ATG7: variants seen among roughly 807,000 people sequenced by gnomAD.
ATG7 encodes autophagy related 7.
A neutral mutation model predicts 82.4 loss-of-function variants in ATG7; 70 were observed. That is an observed-to-expected ratio of 0.85 (90% CI 0.70 to 1.04). The LOEUF is 1.04. Ranked by LOEUF, ATG7 falls within the 50% of genes least tolerant of loss-of-function variation. The pLI is 0.00. For synonymous variants in ATG7, 287 were observed against 313.0 expected (o/e 0.92, Z 0.88); for missense variants, 792 against 864.3 (o/e 0.92, Z 1.05).
At chr3:11,362,205 T>C (rs575087798) in intron 16 of ATG7, among the ~76,000 whole-genome samples, 1 of 152,126 alleles carries the variant, frequency 6.6e-6, no homozygotes, top group Non-Finnish European at 1.5e-5. Context: ...TTGCCCAGAG[T>C]TGGATGGTTA....
intron 20 of ATG7, among the ~76,000 whole-genome samples, chr3:11,462,844 TATTTA>T (rs1415580114): frequency 2.9e-4 from 1 of 3,496 alleles, no homozygotes; most frequent in African/African-American, 3.4e-4. Context: ...CAGATATTTT[TATTTA>T]TTTATTTATT....
Position 11,332,986 on chromosome 3 carries a change from A to G in ATG7, c.782A>G (p.Gln261Arg), listed in dbSNP as rs2152756968. ...LAAHRWSSSFQSVEVVCFRDR... is the reference protein window; with the variant it reads ...LAAHRWSSSFRSVEVVCFRDR... The stretch of plus-strand genomic sequence containing the variant: ...CATGACAACAGGAGTAGCAGTTTCC[A>G]GTCTGTTGAAGTTGTTTGCTTCCGT... Residue 261 changes from glutamine (Q) to arginine (R), a missense_variant, in exon 11 of 21, where the codon CAG becomes CGG. Physicochemically the swap from Gln to Arg is conservative, Grantham distance 43 (BLOSUM62 1). Coordinates refer to ENST00000693202, the MANE Select transcript of ATG7 (RefSeq NM_001349232.2). 2 of 1,548,604 alleles carry G rather than the reference A, an allele frequency of 1.3e-6. No homozygotes were observed. Among genetic ancestry groups the G allele is most frequent in the Non-Finnish European group, 1.7e-6 (2 of 1,148,080 alleles).
At chr3:11,448,563 A>G (rs567758577) in intron 20 of ATG7, among the ~76,000 whole-genome samples, 1 of 152,300 alleles carries the variant, frequency 6.6e-6, no homozygotes, top group East Asian at 1.9e-4. Context: ...CAGGAACATA[A>G]ACCAACACAA....
intron 19 of ATG7, among the ~76,000 whole-genome samples, chr3:11,424,878 C>A (rs1193002348): frequency 6.6e-6 from 1 of 152,112 alleles, no homozygotes; most frequent in Admixed American, 6.6e-5. Context: ...TATACACAGT[C>A]TAGATATTGC....
At chr3:11,553,741 G>A (rs190728638) in intron 20 of ATG7, among the ~76,000 whole-genome samples, 6 of 152,322 alleles carry the variant, frequency 3.9e-5, no homozygotes, top group Non-Finnish European at 8.8e-5. Context: ...TGAGAAGGCT[G>A]CCTCCCCTCA....
chr3:11,555,147 T>G lies in ATG7; in HGVS notation c.*304T>G. 2.4e-6 allele frequency: 1 copy of G among 412,588 alleles called. No individual in the cohort carries two copies. The highest frequency in any genetic ancestry group is 4.3e-6 in the Non-Finnish European group (1 of 230,202). 25.6% of individuals were successfully genotyped at this position (412,588 alleles called of 1,614,324 possible). On this transcript the variant is annotated 3_prime_UTR_variant, in exon 21 of 21. Coordinates refer to ENST00000693202, the MANE Select transcript of ATG7 (RefSeq NM_001349232.2). Reference sequence around the variant, plus strand: ...ACTGATAGCCATCCCCCAGGATCCTTTCCCCTTGGCCCTGAGGGGGTGACC... The same window carrying G: ...ACTGATAGCCATCCCCCAGGATCCTGTCCCCTTGGCCCTGAGGGGGTGACC...
At chr3:11,332,117 C>T (rs1462277640) in intron 10 of ATG7, among the ~76,000 whole-genome samples, 4 of 152,138 alleles carry the variant, frequency 2.6e-5, no homozygotes, top group Non-Finnish European at 5.9e-5. Context: ...TAACCAAAAG[C>T]TGGGAATAGT....
At chr3:11,304,291 T>C (rs1361162860) in intron 5 of ATG7, among the ~76,000 whole-genome samples, 1 of 152,212 alleles carries the variant, frequency 6.6e-6, no homozygotes, top group East Asian at 1.9e-4. Context: ...TGGGGTGTAC[T>C]ATTTGCTCAA....
intron 1 of ATG7, among the ~76,000 whole-genome samples, chr3:11,274,033 C>G (rs1158761040): frequency 6.6e-6 from 1 of 152,172 alleles, no homozygotes; most frequent in East Asian, 1.9e-4. Context: ...TCACCTATAG[C>G]CCTTTGCTTC....
chr3:11,529,902 T>G (rs2092660899), intron 20 of ATG7: 1 of 152,302 alleles, frequency 6.6e-6, no homozygotes, highest in Non-Finnish European at 1.5e-5. Context: ...GCCCTTTTCT[T>G]ACTCACCCTA....
downstream of ATG7, chr3:11,558,291 T>C (rs1448642572): frequency 3.6e-6 from 2 of 559,844 alleles, no homozygotes; most frequent in African/African-American, 3.7e-5. Flanking sequence ...AGAGGTTTCT[T>C]TGGTAACTGA....
intron 20 of ATG7, among the ~76,000 whole-genome samples, chr3:11,470,039 C>T (rs745825096): frequency 2.0e-5 from 3 of 147,898 alleles, no homozygotes; most frequent in East Asian, 2.0e-4. Flanking sequence ...CTGGGCTGTG[C>T]GTGCTTCAGC....
At chr3:11,515,195 T>C (rs1316091244) in intron 20 of ATG7, among the ~76,000 whole-genome samples, 1 of 152,158 alleles carries the variant, frequency 6.6e-6, no homozygotes, top group Non-Finnish European at 1.5e-5. Flanking sequence ...ATTTTAGTTT[T>C]AATTCAAGAA....
Position 11,392,362 on chromosome 3 carries a change from G to T in ATG7, c.1956+12310G>T, listed in dbSNP as rs150765822. On this transcript the variant is annotated intron_variant, in intron 19 of 20. Transcript: ENST00000693202. ...TCTGGTTTGCATTTACTTGAAGTAGGGTAGCTTTCTCCCATATATTCCCTT... is the reference window on the plus strand; with the variant it reads ...TCTGGTTTGCATTTACTTGAAGTAGTGTAGCTTTCTCCCATATATTCCCTT... Among the ~76,000 whole-genome samples, 183 of 151,718 alleles carry T rather than the reference G, an allele frequency of 1.2e-3. 4 individuals are homozygous for T. In the East Asian group the frequency reaches 0.034, roughly 28 times the overall value.
intron 9 of ATG7, among the ~76,000 whole-genome samples, chr3:11,327,062 C>T (rs1400783292): frequency 6.6e-6 from 1 of 152,144 alleles, no homozygotes; most frequent in Admixed American, 6.5e-5. Flanking sequence ...GATCCCTGCT[C>T]AAGATCTTTG....
At chr3:11,487,031 TGACTCTTAACGA>T (rs2089761072) in intron 20 of ATG7, among the ~76,000 whole-genome samples, 1 of 151,612 alleles carries the variant, frequency 6.6e-6, no homozygotes, top group Admixed American at 6.6e-5. Context: ...GGATTGGTGA[TGACTCTTAACGA>T]GCATGCTGCC....
At position 11,440,822 on chromosome 3, in the gene ATG7, TAC is replaced by T. The variant is rs1453833630; in HGVS notation, c.2079+13898_2079+13899del. 5.3e-5 allele frequency among the ~76,000 whole-genome samples: 8 copies of T among 151,832 alleles called. No homozygotes were observed. The East Asian group carries it at 1.6e-3, about 30-fold the overall frequency. On this transcript the variant is annotated intron_variant, in intron 20 of 20. Transcript: ENST00000693202. Reference sequence around the variant, plus strand: ...CCTCAGCCTCCCAAGCAGCTGGGATTACAGGCATCTGCTACCATGCCTGGCTA... The same window carrying T: ...CCTCAGCCTCCCAAGCAGCTGGGATTAGGCATCTGCTACCATGCCTGGCTA...
intron 15 of ATG7, among the ~76,000 whole-genome samples, 169 bp downstream of exon 15, chr3:11,358,781 C>T (rs1329060758): frequency 6.6e-6 from 1 of 152,196 alleles, no homozygotes; most frequent in Non-Finnish European, 1.5e-5. Flanking sequence ...CACACCATCA[C>T]CCAATGTAAT....
chr3:11,449,767 C>G (rs1022528933), intron 20 of ATG7, among the ~76,000 whole-genome samples: 6 of 152,204 alleles, frequency 3.9e-5, no homozygotes, highest in African/African-American at 1.4e-4. Context: ...CCCTCAAACA[C>G]TAACAGGCGC....
Sources: gnomAD v4.1 joint callset for allele counts (sites outside exome capture counted in the v4.1 genomes callset) on GRCh38, gnomAD v4.1.1 for gene constraint, MANE v1.5 for transcripts, NCBI Gene and HGNC (gene_info 2026-07-23, HGNC 2026-07-21) for gene names.